OTUD7A: variants seen among roughly 807,000 people sequenced by gnomAD.
OTUD7A encodes OTU deubiquitinase 7A.
Under a neutral mutation model 65.7 loss-of-function variants are expected in OTUD7A, and 12 were observed. The observed-to-expected ratio is 0.18, with a 90% CI of 0.12 to 0.30. The LOEUF (loss-of-function observed/expected upper bound fraction) is 0.30. OTUD7A is among the 10% of genes least tolerant of loss of function. The probability of loss-of-function intolerance (pLI) is 1.00; values close to 1 mark genes in which losing one functional copy is unlikely to be tolerated. For missense variants in OTUD7A, 1,148 were observed against 1,304.8 expected (o/e 0.88, Z 1.85); for synonymous variants, 641 against 586.3 (o/e 1.09, Z -1.35).
At chr15:31,784,096 G>T (rs184835263) in intron 1 of OTUD7A, among the ~76,000 whole-genome samples, 103 of 152,294 alleles carry the variant, frequency 6.8e-4, no homozygotes, top group African/African-American at 2.4e-3. Context: ...TTTTCCAAGC[G>T]ATCAGTGTAT....
rs985910926 is a variant in OTUD7A, at chr15:31,868,671, G to A, written c.-100+1836C>T. Among the ~76,000 whole-genome samples, 6 of 152,164 alleles carry A rather than the reference G, an allele frequency of 3.9e-5. No homozygotes were observed. In the East Asian group the frequency reaches 9.6e-4, roughly 24 times the overall value. On this transcript the variant is annotated intron_variant, in intron 1 of 12. Transcript: ENST00000307050. ...CAAGAATTACACACACTTGCTCAGA[G>A]AAAGGTGTCCCCTCTCCTTCTCCAC...
In OTUD7A at chr15:31,643,627, A is replaced by G. The variant is rs371365163; in HGVS notation, c.151+11469T>C. On this transcript the variant is annotated intron_variant, in intron 3 of 12. Transcript: ENST00000307050. Reference sequence around the variant, plus strand: ...GCAGTTCTGGTTTGACTTTGATTGAACAGTTTCTCCTCATTATGGGTCCTA... The same window carrying G: ...GCAGTTCTGGTTTGACTTTGATTGAGCAGTTTCTCCTCATTATGGGTCCTA... Among the ~76,000 whole-genome samples the G allele has an allele frequency of 2.5e-4, 38 of 152,288 alleles. No individual in the cohort carries two copies. The South Asian group carries it at 7.3e-3, about 29-fold the overall frequency.
At position 31,502,229 on chromosome 15, in the gene OTUD7A, A is replaced by G. The variant is rs577702834; in HGVS notation, c.1022-390T>C. Among the ~76,000 whole-genome samples the G allele has an allele frequency of 6.6e-5, 10 of 152,342 alleles. 2 individuals are homozygous for G. The highest frequency in any genetic ancestry group is 2.4e-4 in the African/African-American group (10 of 41,584). On this transcript the variant is annotated intron_variant, in intron 9 of 12. Coordinates refer to ENST00000307050, the MANE Select transcript of OTUD7A (RefSeq NM_001382637.1). Reference sequence around the variant, plus strand: ...GGGTGTATATTTGCTCTATGTTTTGAGAACCTCTTCTATTGAATTTGAAGG... The same window carrying G: ...GGGTGTATATTTGCTCTATGTTTTGGGAACCTCTTCTATTGAATTTGAAGG...
At chr15:31,856,910 C>A (rs1374251416) in intron 1 of OTUD7A, among the ~76,000 whole-genome samples, 1 of 152,206 alleles carries the variant, frequency 6.6e-6, no homozygotes, top group Non-Finnish European at 1.5e-5. Context: ...AGAGCGCTGT[C>A]ACTGGGCCAG....
At chr15:31,633,661 G>T (rs1891247149) in intron 3 of OTUD7A, among the ~76,000 whole-genome samples, 1 of 152,158 alleles carries the variant, frequency 6.6e-6, no homozygotes, top group African/African-American at 2.4e-5. Flanking sequence ...GGACTGCTCA[G>T]ATATGCTGCC....
intron 10 of OTUD7A, among the ~76,000 whole-genome samples, chr15:31,495,663 C>G (rs2041372585): frequency 6.6e-6 from 1 of 152,168 alleles, no homozygotes; most frequent in South Asian, 2.1e-4. Flanking sequence ...GCTTTTTACT[C>G]CCACTCTGAC....
chr15:31,820,429 C>T (rs573738034), intron 1 of OTUD7A, among the ~76,000 whole-genome samples: 5 of 152,270 alleles, frequency 3.3e-5, no homozygotes, highest in African/African-American at 7.2e-5. Context: ...ATATTTTCTA[C>T]GAGATATCGC....
chr15:31,649,021 A>C (rs189623967), intron 3 of OTUD7A, among the ~76,000 whole-genome samples: 1 of 152,270 alleles, frequency 6.6e-6, no homozygotes, highest in Admixed American at 6.5e-5. Context: ...TAGGCCTCCC[A>C]AAGTGCTAGG....
intron 1 of OTUD7A, among the ~76,000 whole-genome samples, chr15:31,759,725 G>C (rs925393061): frequency 3.3e-5 from 5 of 152,042 alleles, no homozygotes; most frequent in African/African-American, 1.2e-4. Flanking sequence ...GCAGGGTTTT[G>C]CCATGTTGGC....
At chr15:31,607,785 C>T (rs1011939841) in intron 3 of OTUD7A, among the ~76,000 whole-genome samples, 1 of 152,098 alleles carries the variant, frequency 6.6e-6, no homozygotes, top group African/African-American at 2.4e-5. Context: ...GTAGGCTATA[C>T]CATATAGCCT....
chr15:31,710,193 T>A (rs1216671970), intron 1 of OTUD7A, among the ~76,000 whole-genome samples: 2 of 149,260 alleles, frequency 1.3e-5, no homozygotes, highest in African/African-American at 5.0e-5. Flanking sequence ...TTCTTATGTG[T>A]TTTCTGCACT....
At position 31,726,755 on chromosome 15, in the gene OTUD7A, C is replaced by T. The variant is rs373954036; in HGVS notation, c.-99-69678G>A. 2.0e-4 allele frequency among the ~76,000 whole-genome samples: 31 copies of T among 152,292 alleles called. 1 individual carries two copies. The highest frequency in any genetic ancestry group is 1.2e-3 in the Admixed American group (19 of 15,296). On this transcript the variant is annotated intron_variant, in intron 1 of 12. Coordinates refer to ENST00000307050, the MANE Select transcript of OTUD7A (RefSeq NM_001382637.1). The stretch of plus-strand genomic sequence containing the variant: ...TGTACCTACCAGCCAAGAGCATATT[C>T]TAGAGGATTTCTCAATGTTAGAAGT...
At chr15:31,533,932 T>C (rs1251040685) in intron 5 of OTUD7A, among the ~76,000 whole-genome samples, 1 of 152,236 alleles carries the variant, frequency 6.6e-6, no homozygotes, top group Non-Finnish European at 1.5e-5. Context: ...GTAAGGTTTA[T>C]ATGCTTCACC....
chr15:31,613,380 C>A (rs988246989), intron 3 of OTUD7A, among the ~76,000 whole-genome samples: 3 of 152,108 alleles, frequency 2.0e-5, no homozygotes, highest in Non-Finnish European at 2.9e-5. Context: ...GGGAGAAAAT[C>A]TTCACAATCT....
chr15:31,783,675 G>T (rs1482931028), intron 1 of OTUD7A, among the ~76,000 whole-genome samples: 3 of 152,194 alleles, frequency 2.0e-5, no homozygotes, highest in African/African-American at 7.2e-5. Context: ...AGCGATGGAG[G>T]TCCTGAGGCA....
chr15:31,792,512 C>G (rs1171779250), intron 1 of OTUD7A, among the ~76,000 whole-genome samples: 1 of 152,184 alleles, frequency 6.6e-6, no homozygotes, highest in Non-Finnish European at 1.5e-5. Flanking sequence ...GAGACACACT[C>G]AGTCCTAAGC....
chr15:31,703,854 T>G, intron 1 of OTUD7A, among the ~76,000 whole-genome samples: 1 of 151,068 alleles, frequency 6.6e-6, no homozygotes, highest in Non-Finnish European at 1.5e-5. Flanking sequence ...AACTGTGGAA[T>G]GCCCATACCA....
chr15:31,675,641 G>A (rs1421170810), intron 1 of OTUD7A, among the ~76,000 whole-genome samples: 1 of 152,142 alleles, frequency 6.6e-6, no homozygotes, highest in Non-Finnish European at 1.5e-5. Flanking sequence ...ACAAACTCAT[G>A]ACTAAGTATT....
intron 1 of OTUD7A, among the ~76,000 whole-genome samples, chr15:31,818,859 C>T (rs1307676571): frequency 6.6e-6 from 1 of 152,178 alleles, no homozygotes; most frequent in South Asian, 2.1e-4. Flanking sequence ...GTCCTGGTAT[C>T]ATGGGATGGG....
Sources: gnomAD v4.1 joint callset for allele counts (sites outside exome capture counted in the v4.1 genomes callset) on GRCh38, gnomAD v4.1.1 for gene constraint, MANE v1.5 for transcripts, NCBI Gene and HGNC (gene_info 2026-07-23, HGNC 2026-07-21) for gene names.